The following DUSP10 variants were observed in gnomAD, a reference collection of about 807,000 sequenced individuals.
DUSP10 encodes dual specificity protein phosphatase 10.
In DUSP10, 14 loss-of-function variants were observed where a neutral mutation model predicts 30.8. The observed-to-expected ratio is 0.46, with a 90% CI of 0.30 to 0.71. The LOEUF (loss-of-function observed/expected upper bound fraction) is 0.71. Ranked by LOEUF, DUSP10 falls within the 30% of genes least tolerant of loss-of-function variation. DUSP10 has a pLI of 0.08. For missense variants in DUSP10, 550 were observed against 619.4 expected, an observed-to-expected ratio of 0.89 and a Z score of 1.19; for synonymous variants, 254 against 250.4, an observed-to-expected ratio of 1.01 and a Z score of -0.14.
intron 2 of DUSP10, among the ~76,000 whole-genome samples, chr1:221,727,057 C>A (rs1406578109): frequency 6.6e-6 from 1 of 152,070 alleles, no homozygotes; most frequent in African/African-American, 2.4e-5. Context: ...TATAGACAAG[C>A]AAACAGAGGC....
At chr1:221,704,673 C>T (rs1660704420) in intron 3 of DUSP10, among the ~76,000 whole-genome samples, 1 of 152,178 alleles carries the variant, frequency 6.6e-6, no homozygotes, top group Admixed American at 6.5e-5. Context: ...TGTGAAAAGG[C>T]CTCAGGCTTG....
In DUSP10 at chr1:221,737,462, A is replaced by T. The variant is rs1010463398; in HGVS notation, c.811+1472T>A. 1.2e-5 allele frequency: 12 copies of T among 985,240 alleles called. No individual in the cohort carries two copies. In the African/African-American group the frequency reaches 2.1e-4, roughly 17 times the overall value. 61.0% of individuals were successfully genotyped at this position (985,240 alleles called of 1,614,324 possible). A position where few individuals can be genotyped will look rare whatever the true frequency, so the allele number is the denominator to read the frequency against. On this transcript the variant is annotated intron_variant, in intron 2 of 3. Transcript: ENST00000366899. ...ATCACTCAAAGTCAACCATACAAGA[A>T]TACAGAAACAATAAAATACAGAGCT...
intron 2 of DUSP10, among the ~76,000 whole-genome samples, chr1:221,716,826 G>C (rs1661120174): frequency 6.6e-6 from 1 of 152,184 alleles, no homozygotes; most frequent in Non-Finnish European, 1.5e-5. Flanking sequence ...GGTTCCCAGG[G>C]AGAAATGCAC....
intron 2 of DUSP10, among the ~76,000 whole-genome samples, chr1:221,713,570 T>C (rs1452384653): frequency 6.6e-6 from 1 of 150,628 alleles, no homozygotes; most frequent in Non-Finnish European, 1.5e-5. Flanking sequence ...TTGAGGTGTT[T>C]ACAGTTTTTC....
chr1:221,732,053 A>G (rs1358255979), intron 2 of DUSP10, among the ~76,000 whole-genome samples: 1 of 152,238 alleles, frequency 6.6e-6, no homozygotes. Flanking sequence ...AATTTCCAAG[A>G]TGGAAAGGAT....
At chr1:221,730,826 CTCTATATA>C (rs754472146) in intron 2 of DUSP10, among the ~76,000 whole-genome samples, 50 of 151,568 alleles carry the variant, frequency 3.3e-4, no homozygotes, top group African/African-American at 1.0e-3. Flanking sequence ...ATCTATAACT[CTCTATATA>C]TCTATATATC....
intron 2 of DUSP10, among the ~76,000 whole-genome samples, chr1:221,729,179 C>T (rs1170174204): frequency 1.3e-5 from 2 of 152,122 alleles, no homozygotes; most frequent in Non-Finnish European, 1.5e-5. Context: ...ATTTTTATTC[C>T]TTAAAAAACT....
intron 1 of DUSP10, 87 bp from the exon 2 acceptor site, chr1:221,739,874 A>G: frequency 7.3e-7 from 1 of 1,369,292 alleles, no homozygotes; most frequent in Non-Finnish European, 9.6e-7. Flanking sequence ...AGACCTTTGC[A>G]TCCCTCTGAG....
intron 2 of DUSP10, among the ~76,000 whole-genome samples, chr1:221,727,483 G>C (rs189608074): frequency 4.5e-4 from 68 of 152,294 alleles, no homozygotes; most frequent in African/African-American, 1.2e-3. Flanking sequence ...AAAATGGGAT[G>C]GTTAGATCAA....
At chr1:221,729,052 G>A (rs1315750257) in intron 2 of DUSP10, among the ~76,000 whole-genome samples, 2 of 152,140 alleles carry the variant, frequency 1.3e-5, no homozygotes, top group African/African-American at 2.4e-5. Context: ...TCAGTCCCTC[G>A]TATGTAAATT....
chr1:221,725,128 C>T (rs1192964549), intron 2 of DUSP10, among the ~76,000 whole-genome samples: 1 of 152,114 alleles, frequency 6.6e-6, no homozygotes, highest in Non-Finnish European at 1.5e-5. Flanking sequence ...CCCTCTCAGG[C>T]TACTTCCCAC....
At chr1:221,729,538 G>A (rs1661520526) in intron 2 of DUSP10, among the ~76,000 whole-genome samples, 1 of 152,188 alleles carries the variant, frequency 6.6e-6, no homozygotes, top group South Asian at 2.1e-4. Flanking sequence ...TCAGATTCCT[G>A]AGCTATAAAA....
rs886588205 is a variant in DUSP10, at chr1:221,737,046, G to GA, written c.811+1887dup. The GA allele has an allele frequency of 2.9e-5, 29 of 985,356 alleles. No individual in the cohort carries two copies. The African/African-American group carries it at 4.5e-4, about 15-fold the overall frequency. 61.0% of individuals were successfully genotyped at this position (985,356 alleles called of 1,614,324 possible). A position where few individuals can be genotyped will look rare whatever the true frequency, so the allele number is the denominator to read the frequency against. On this transcript the variant is annotated intron_variant, in intron 2 of 3. Coordinates refer to ENST00000366899, the MANE Select transcript of DUSP10 (RefSeq NM_007207.6). ...CTCAGCTGCATCCACAGGAAAGGGAGAGAGGATCCTCACTTTCACAAGTAG... is the reference window on the plus strand; with the variant it reads ...CTCAGCTGCATCCACAGGAAAGGGAGAAGAGGATCCTCACTTTCACAAGTAG...
chr1:221,728,393 C>T (rs1661486898), intron 2 of DUSP10, among the ~76,000 whole-genome samples: 6 of 152,172 alleles, frequency 3.9e-5, no homozygotes, highest in Admixed American at 3.9e-4. Context: ...CACAGGATTC[C>T]AAGGAGTCCA....
chr1:221,713,519 TCA>T (rs1661007885), intron 2 of DUSP10, among the ~76,000 whole-genome samples: 1 of 152,340 alleles, frequency 6.6e-6, no homozygotes, highest in Admixed American at 6.5e-5. Context: ...AGAAAAGTTA[TCA>T]CACACACAAC....
At chr1:221,709,324 G>A (rs1660867016) in intron 2 of DUSP10, among the ~76,000 whole-genome samples, 1 of 151,702 alleles carries the variant, frequency 6.6e-6, no homozygotes, top group Admixed American at 6.6e-5. Flanking sequence ...AAAAAAACCC[G>A]TGGCGGAGTG....
intron 2 of DUSP10, among the ~76,000 whole-genome samples, chr1:221,716,218 T>A (rs1176198419): frequency 6.6e-6 from 1 of 152,176 alleles, no homozygotes; most frequent in Non-Finnish European, 1.5e-5. Context: ...AAGTCAAAGG[T>A]GGGCTGGGAA....
At chr1:221,728,981 C>A (rs1464254656) in intron 2 of DUSP10, among the ~76,000 whole-genome samples, 1 of 152,210 alleles carries the variant, frequency 6.6e-6, no homozygotes, top group Admixed American at 6.5e-5. Flanking sequence ...CAGAGCTACA[C>A]CCAGGATCCA....
chr1:221,721,171 G>GT (rs1571820152), intron 2 of DUSP10, among the ~76,000 whole-genome samples: 1 of 152,176 alleles, frequency 6.6e-6, no homozygotes, highest in East Asian at 1.9e-4. Flanking sequence ...AGTATTCACT[G>GT]TTTAGCATCT....
Sources: gnomAD v4.1 joint callset for allele counts (sites outside exome capture counted in the v4.1 genomes callset) on GRCh38, gnomAD v4.1.1 for gene constraint, MANE v1.5 for transcripts, NCBI Gene and HGNC (gene_info 2026-07-23, HGNC 2026-07-21) for gene names.